ERBIN: variants seen among roughly 807,000 people sequenced by gnomAD.
The protein encoded by ERBIN is densin-180-like protein.
In ERBIN, 60 loss-of-function variants were observed where a neutral mutation model predicts 158.4. That is an observed-to-expected ratio of 0.38 (90% CI 0.31 to 0.47). ERBIN has a LOEUF of 0.47. Ranked by LOEUF, ERBIN falls within the 20% of genes least tolerant of loss-of-function variation. The pLI is 0.99. For missense variants in ERBIN, 1,610 were observed against 1,648.0 expected, an observed-to-expected ratio of 0.98 and a Z score of 0.40; for synonymous variants, 594 against 557.2, an observed-to-expected ratio of 1.07 and a Z score of -0.93.
intron 1 of ERBIN, among the ~76,000 whole-genome samples, chr5:65,937,724 C>T (rs879839169): frequency 5.3e-5 from 8 of 152,148 alleles, no homozygotes; most frequent in East Asian, 3.9e-4. Context: ...CTGGCTAACA[C>T]GGTGAAACCC....
At chr5:66,048,345 C>T (rs779825297) in intron 18 of ERBIN, among the ~76,000 whole-genome samples, 2 of 151,768 alleles carry the variant, frequency 1.3e-5, no homozygotes, top group Non-Finnish European at 2.9e-5. Context: ...TACTCTAATT[C>T]ATAGAGCTAT....
In ERBIN at chr5:66,050,226, C is replaced by CT. The variant is rs869119758; in HGVS notation, c.1904-521dup. Among the ~76,000 whole-genome samples the CT allele has an allele frequency of 5.0e-3, 49 of 9,762 alleles. 23 individuals carry two copies. The highest frequency in any genetic ancestry group is 0.019 in the South Asian group (4 of 210). The allele number at this position is 9,762 out of a possible 152,430, so 6.4% of individuals were successfully genotyped here. On this transcript the variant is annotated intron_variant, in intron 19 of 25. Transcript: ENST00000284037. Reference sequence around the variant, plus strand: ...ACCTTGTCAGTAACTAAATCGAATTCTTTTTTTTTTTTTTTTTTTTTTTTT... The same window carrying CT: ...ACCTTGTCAGTAACTAAATCGAATTCTTTTTTTTTTTTTTTTTTTTTTTTTT...
At chr5:66,032,797 TTAAAA>T (rs1203776927) in intron 14 of ERBIN, among the ~76,000 whole-genome samples, 1 of 152,080 alleles carries the variant, frequency 6.6e-6, no homozygotes, top group Non-Finnish European at 1.5e-5. Context: ...GAGGAATAGT[TTAAAA>T]GATTGCATCA....
intron 1 of ERBIN, among the ~76,000 whole-genome samples, chr5:65,968,456 G>T (rs1425061232): frequency 6.6e-6 from 1 of 152,188 alleles, no homozygotes; most frequent in Admixed American, 6.5e-5. Context: ...CTGTGGAAAA[G>T]AAAATTGACA....
intron 1 of ERBIN, among the ~76,000 whole-genome samples, chr5:65,941,524 C>T (rs141978701): frequency 1.3e-5 from 2 of 152,174 alleles, no homozygotes; most frequent in East Asian, 3.9e-4. Flanking sequence ...GGTTCTGGAA[C>T]TAATCCCCCA....
chr5:66,054,516 T>C lies in ERBIN; in HGVS notation c.3198T>C (p.Ile1066=). 6.2e-7 allele frequency: 1 copy of C among 1,614,178 alleles called. No individual in the cohort carries two copies. The highest frequency in any genetic ancestry group is 8.5e-7 in the Non-Finnish European group (1 of 1,180,022). The change falls in exon 21 of 26, where the codon ATT becomes ATC. Residue 1066 remains isoleucine, a synonymous_variant. Transcript: ENST00000284037. ...CCATCTCACCAAACGACCGACTTAT[T>C]CCTGCAGTAACTCGAAGTACAATCC... is the stretch of plus-strand genomic sequence containing the variant. ...MWAISPNDRL[I]PAVTRSTIQR...
At chr5:66,074,481 T>C (rs1157135105) in intron 22 of ERBIN, among the ~76,000 whole-genome samples, 1 of 152,206 alleles carries the variant, frequency 6.6e-6, no homozygotes, top group Non-Finnish European at 1.5e-5. Flanking sequence ...CATAGATAGC[T>C]GAATTGACTT....
At chr5:66,076,476 A>T in intron 24 of ERBIN, 68 bp downstream of exon 24, 3 of 1,183,044 alleles carry the variant, frequency 2.5e-6, no homozygotes, top group Non-Finnish European at 3.7e-6. Flanking sequence ...ACTTAAATGT[A>T]AGTGAAAATC....
chr5:65,946,706 G>A (rs144269097), intron 1 of ERBIN, among the ~76,000 whole-genome samples: 2 of 151,968 alleles, frequency 1.3e-5, no homozygotes, highest in Non-Finnish European at 2.9e-5. Flanking sequence ...GTTTTCCATA[G>A]TGGTTGTACT....
intron 22 of ERBIN, among the ~76,000 whole-genome samples, chr5:66,073,880 T>C (rs1332969742): frequency 6.6e-6 from 1 of 151,936 alleles, no homozygotes; most frequent in Admixed American, 6.6e-5. Context: ...CTGTAACCTC[T>C]TTTTTGTTGT....
At chr5:65,958,235 T>C (rs1747476330) in intron 1 of ERBIN, among the ~76,000 whole-genome samples, 1 of 152,074 alleles carries the variant, frequency 6.6e-6, no homozygotes, top group East Asian at 1.9e-4. Context: ...GGGCAGAGGC[T>C]GCAATCTCGG....
intron 22 of ERBIN, among the ~76,000 whole-genome samples, chr5:66,073,713 G>A (rs145108216): frequency 0.012 from 1,773 of 152,138 alleles, 23 homozygotes; most frequent in Non-Finnish European, 0.014. Context: ...TTAATTTAGG[G>A]AACTGGACCT....
chr5:66,063,582 A>G (rs994306613), intron 21 of ERBIN, among the ~76,000 whole-genome samples: 10 of 151,874 alleles, frequency 6.6e-5, no homozygotes, highest in African/African-American at 2.4e-4. Flanking sequence ...AGTGAGATGA[A>G]CCCGGTACCT....
intron 14 of ERBIN, among the ~76,000 whole-genome samples, chr5:66,031,220 AAAAT>A (rs1398474161): frequency 1.3e-5 from 2 of 152,256 alleles, no homozygotes; most frequent in African/African-American, 4.8e-5. Flanking sequence ...AATGTTTATG[AAAAT>A]AAATTGCTCA....
intron 21 of ERBIN, among the ~76,000 whole-genome samples, chr5:66,055,991 ACT>A (rs1409118914): frequency 5.9e-5 from 9 of 152,192 alleles, no homozygotes; most frequent in African/African-American, 1.2e-4. Flanking sequence ...TCATCTAGTA[ACT>A]CTGTACACAC....
At chr5:65,998,666 G>T (rs538705856) in intron 4 of ERBIN, among the ~76,000 whole-genome samples, 2 of 152,040 alleles carry the variant, frequency 1.3e-5, no homozygotes, top group South Asian at 4.1e-4. Flanking sequence ...GGAGGTCGAG[G>T]TGGAAGGATC....
At chr5:65,968,660 A>G (rs141707975) in intron 1 of ERBIN, among the ~76,000 whole-genome samples, 3,242 of 152,230 alleles carry the variant, frequency 0.021, 124 homozygotes, top group African/African-American at 0.072. Flanking sequence ...TCCTGGGTTC[A>G]AGCAATTCTC....
chr5:66,004,623 GA>G (rs1201141141), intron 4 of ERBIN, among the ~76,000 whole-genome samples: 1 of 152,104 alleles, frequency 6.6e-6, no homozygotes, highest in Non-Finnish European at 1.5e-5. Context: ...GGCTGGCCTC[GA>G]AATTGTGACC....
intron 1 of ERBIN, among the ~76,000 whole-genome samples, chr5:65,955,968 A>T (rs1747064951): frequency 6.6e-6 from 1 of 152,242 alleles, no homozygotes; most frequent in Non-Finnish European, 1.5e-5. Context: ...CCCGCCCATT[A>T]GTCACTTAGT....
Sources: allele counts gnomAD v4.1 joint callset (sites outside exome capture counted in the v4.1 genomes callset), GRCh38; gene constraint gnomAD v4.1.1; transcripts MANE v1.5; gene names NCBI Gene and HGNC (gene_info 2026-07-23, HGNC 2026-07-21).